CADM2: variants seen among roughly 807,000 people sequenced by gnomAD.
CADM2 encodes immunoglobulin superfamily member 4D.
CADM2 carries 12 observed loss-of-function variants against 49.8 expected under a neutral mutation model. The observed-to-expected ratio is 0.24, with a 90% CI of 0.15 to 0.39. CADM2 has a LOEUF of 0.39. Among genes scored for constraint, CADM2 ranks in the 10% least tolerant of loss-of-function variants. CADM2 has a pLI of 1.00. For synonymous variants in CADM2, 214 were observed against 175.4 expected (o/e 1.22, Z -1.74); for missense variants, 378 against 492.3 (o/e 0.77, Z 2.20).
chr3:85,763,246 A>G (rs2069483593), intron 2 of CADM2, among the ~76,000 whole-genome samples: 1 of 152,188 alleles, frequency 6.6e-6, no homozygotes, highest in South Asian at 2.1e-4. Context: ...CTGGGCAGGA[A>G]GGGATTCCAA....
chr3:85,605,124 CT>C (rs2063510377), intron 1 of CADM2, among the ~76,000 whole-genome samples: 1 of 151,954 alleles, frequency 6.6e-6, no homozygotes, highest in Non-Finnish European at 1.5e-5. Flanking sequence ...AGATTTTGTA[CT>C]CATAAAGTGC....
At chr3:85,984,705 T>C (rs1727884961) in intron 8 of CADM2, among the ~76,000 whole-genome samples, 1 of 151,854 alleles carries the variant, frequency 6.6e-6, no homozygotes, top group African/African-American at 2.4e-5. Flanking sequence ...ACCATACATT[T>C]CAATGTACCA....
intron 1 of CADM2, among the ~76,000 whole-genome samples, chr3:85,083,393 G>A (rs1161387308): frequency 6.6e-6 from 1 of 152,134 alleles, no homozygotes; most frequent in Non-Finnish European, 1.5e-5. Context: ...TTTATTCCAT[G>A]TAACAAAGTT....
Position 85,118,414 on chromosome 3 carries a change from C to T in CADM2, c.61+158746C>T, listed in dbSNP as rs112247217. On this transcript the variant is annotated intron_variant, in intron 1 of 9. Transcript: ENST00000383699. ...TTATAATGGAAAGAGGTTTAATGGA[C>T]CCCAGTTCCACGTAGCTGGGGAGGC... is the stretch of plus-strand genomic sequence containing the variant. 4.1e-3 allele frequency among the ~76,000 whole-genome samples: 625 copies of T among 152,200 alleles called. 7 individuals are homozygous for T. The highest frequency in any genetic ancestry group is 0.014 in the African/African-American group (593 of 41,524).
At chr3:85,330,542 T>G (rs769713333) in intron 1 of CADM2, among the ~76,000 whole-genome samples, 10 of 152,216 alleles carry the variant, frequency 6.6e-5, no homozygotes, top group Non-Finnish European at 8.8e-5. Context: ...CACTGCCCAG[T>G]GCATTTTCTA....
At position 85,734,690 on chromosome 3, in the gene CADM2, A is replaced by AAT. The variant is rs892170945; in HGVS notation, c.88+8151_88+8152dup. Among the ~76,000 whole-genome samples, 8 of 147,610 alleles carry AAT rather than the reference A, an allele frequency of 5.4e-5. No individual in the cohort carries two copies. In the East Asian group the frequency reaches 7.8e-4, roughly 14 times the overall value. Reference sequence around the variant, plus strand: ...AATATAATATGTATATTTTAAATATAATATATATATTTTAAATATAATGTG... The same window carrying AAT: ...AATATAATATGTATATTTTAAATATAATATATATATATTTTAAATATAATGTG... On this transcript the variant is annotated intron_variant, in intron 2 of 9. Coordinates refer to ENST00000383699, the MANE Select transcript of CADM2 (RefSeq NM_001167675.2).
At chr3:85,733,344 A>C (rs566269366) in intron 2 of CADM2, among the ~76,000 whole-genome samples, 1 of 152,298 alleles carries the variant, frequency 6.6e-6, no homozygotes, top group African/African-American at 2.4e-5. Context: ...AAATATAAGT[A>C]ATTTTAGTTG....
chr3:85,487,045 T>C (rs1295287975), intron 1 of CADM2, among the ~76,000 whole-genome samples: 1 of 152,168 alleles, frequency 6.6e-6, no homozygotes, highest in Non-Finnish European at 1.5e-5. Context: ...GCTAAAACTG[T>C]CTTCTGAAAT....
intron 7 of CADM2, among the ~76,000 whole-genome samples, chr3:85,950,248 G>A (rs1723278507): frequency 6.6e-6 from 1 of 151,090 alleles, no homozygotes; most frequent in Non-Finnish European, 1.5e-5. Context: ...AATATTCTGT[G>A]TTTACCAAAG....
intron 1 of CADM2, among the ~76,000 whole-genome samples, chr3:85,476,195 T>C (rs1462772689): frequency 6.6e-6 from 1 of 151,964 alleles, no homozygotes; most frequent in Non-Finnish European, 1.5e-5. Context: ...CAAAGTCATA[T>C]AGATATGTTG....
chr3:85,489,837 GGAGA>G lies in CADM2; in HGVS notation c.62-236678_62-236675del, dbSNP rs1324005560. On this transcript the variant is annotated intron_variant, in intron 1 of 9. Coordinates refer to ENST00000383699, the MANE Select transcript of CADM2 (RefSeq NM_001167675.2). ...AGAGAGAGAGAGAGAGCAAAGCGAG[GGAGA>G]GAGAGATTATATACTCGAAATTCAG... Among the ~76,000 whole-genome samples, 6 of 148,556 alleles carry G rather than the reference GGAGA, an allele frequency of 4.0e-5. No homozygotes were observed. In the South Asian group the frequency reaches 1.3e-3, roughly 32 times the overall value.
chr3:85,120,214 A>C (rs1388254252), intron 1 of CADM2, among the ~76,000 whole-genome samples: 3 of 152,140 alleles, frequency 2.0e-5, no homozygotes, highest in Non-Finnish European at 2.9e-5. Flanking sequence ...TGGAGAAATA[A>C]ATGGTTTTAC....
chr3:85,782,691 A>G (rs2070732628), intron 2 of CADM2, among the ~76,000 whole-genome samples: 1 of 151,826 alleles, frequency 6.6e-6, no homozygotes, highest in Admixed American at 6.6e-5. Context: ...AAAAAGAAAT[A>G]TACTCCATTT....
In CADM2 at chr3:86,068,594, A is replaced by G. The variant is rs1739571915; in HGVS notation, c.*1811A>G. 6.6e-6 allele frequency: 1 copy of G among 152,098 alleles called. No homozygotes were observed. The highest frequency in any genetic ancestry group is 1.5e-5 in the Non-Finnish European group (1 of 67,862). 9.4% of individuals were successfully genotyped at this position (152,098 alleles called of 1,614,324 possible). A position where few individuals can be genotyped will look rare whatever the true frequency, so the allele number is the denominator to read the frequency against. On this transcript the variant is annotated 3_prime_UTR_variant, in exon 10 of 10. Transcript: ENST00000383699. ...AAGGGTGCTGTATCTTTGATTATTT[A>G]TCAAAAAAGTATAAATCTTTTAAGG...
At chr3:85,085,582 CTAGA>C (rs939753125) in intron 1 of CADM2, among the ~76,000 whole-genome samples, 27 of 152,050 alleles carry the variant, frequency 1.8e-4, no homozygotes, top group Non-Finnish European at 3.4e-4. Context: ...ATAATTACTA[CTAGA>C]AAAGAAGACG....
intron 3 of CADM2, among the ~76,000 whole-genome samples, chr3:85,846,398 GA>G (rs1238336812): frequency 1.3e-5 from 2 of 152,052 alleles, no homozygotes; most frequent in African/African-American, 2.4e-5. Context: ...GGAAGAGGTA[GA>G]TTTTTTTTGT....
intron 1 of CADM2, among the ~76,000 whole-genome samples, chr3:85,361,049 G>GA: frequency 1.3e-5 from 2 of 152,230 alleles, no homozygotes; most frequent in East Asian, 3.9e-4. Context: ...TGGACCATCA[G>GA]AAAAAACGTG....
At chr3:85,639,241 C>A (rs1407166734) in intron 1 of CADM2, among the ~76,000 whole-genome samples, 1 of 152,062 alleles carries the variant, frequency 6.6e-6, no homozygotes. Context: ...ATTAAAATAT[C>A]ATAGAAGATA....
intron 3 of CADM2, among the ~76,000 whole-genome samples, chr3:85,871,328 G>GT (rs1400589192): frequency 1.3e-5 from 2 of 152,098 alleles, no homozygotes; most frequent in Non-Finnish European, 2.9e-5. Context: ...ACCACTAAAT[G>GT]TTTTTTAAGT....
Sources: gnomAD v4.1 joint callset for allele counts (sites outside exome capture counted in the v4.1 genomes callset) on GRCh38, gnomAD v4.1.1 for gene constraint, MANE v1.5 for transcripts, NCBI Gene and HGNC (gene_info 2026-07-23, HGNC 2026-07-21) for gene names.